Variants in CTNNA2 observed in about 807,000 individuals in gnomAD.
The protein encoded by CTNNA2 is catenin alpha-2.
In CTNNA2, 42 loss-of-function variants were observed where a neutral mutation model predicts 101.0. That is an observed-to-expected ratio of 0.42 (90% CI 0.32 to 0.54). The LOEUF (loss-of-function observed/expected upper bound fraction) is 0.54, where lower values mean the gene tolerates loss of function less well. Among genes scored for constraint, CTNNA2 ranks in the 20% least tolerant of loss-of-function variants. The pLI is 0.14. For missense variants in CTNNA2, 871 were observed against 1,223.1 expected, an observed-to-expected ratio of 0.71 and a Z score of 4.29; for synonymous variants, 450 against 456.4, an observed-to-expected ratio of 0.99 and a Z score of 0.18.
intron 1 of CTNNA2, among the ~76,000 whole-genome samples, chr2:79,576,127 T>C (rs530691731): frequency 6.6e-6 from 1 of 152,328 alleles, no homozygotes; most frequent in East Asian, 1.9e-4. Flanking sequence ...AAAGATGAAG[T>C]TTGTCACCAT....
chr2:80,646,820 T>C (rs933408279), intron 18 of CTNNA2, among the ~76,000 whole-genome samples: 1 of 152,108 alleles, frequency 6.6e-6, no homozygotes, highest in Non-Finnish European at 1.5e-5. Context: ...AGATGAGTAG[T>C]ATCTTTAAAG....
intron 1 of CTNNA2, among the ~76,000 whole-genome samples, chr2:79,542,010 A>C (rs1308517000): frequency 6.6e-6 from 1 of 152,162 alleles, no homozygotes; most frequent in Non-Finnish European, 1.5e-5. Flanking sequence ...TAATGCTTTC[A>C]ACTGAGAGCT....
chr2:79,403,774 A>T (rs182964547), intron 4 of CTNNA2, among the ~76,000 whole-genome samples: 1 of 152,064 alleles, frequency 6.6e-6, no homozygotes, highest in East Asian at 1.9e-4. Context: ...GGTTTTAGCA[A>T]ATTTTGGTGA....
rs77674350 is a variant in CTNNA2 at position 79,415,103 on chromosome 2, G to A, written c.-135+41090G>A. Among the ~76,000 whole-genome samples, 521 of 152,236 alleles carry A rather than the reference G, an allele frequency of 3.4e-3. 23 individuals carry two copies. In the East Asian group the frequency reaches 0.082, roughly 24 times the overall value. On this transcript the variant is annotated intron_variant, in intron 4 of 21. Coordinates refer to the CTNNA2 transcript ENST00000466387. ...AGGTTGAAAAGTGATCCTCAGTGTT[G>A]GAAATGGGGCCTAATGGGAGGTATT...
chr2:80,127,513 G>A (rs1486569082), intron 7 of CTNNA2, among the ~76,000 whole-genome samples: 2 of 152,128 alleles, frequency 1.3e-5, no homozygotes, highest in Non-Finnish European at 1.5e-5. Flanking sequence ...AGGTGTGCAT[G>A]TAAAAGCTAG....
intron 3 of CTNNA2, among the ~76,000 whole-genome samples, chr2:79,783,019 C>G (rs1178862367): frequency 4.0e-5 from 6 of 151,526 alleles, no homozygotes; most frequent in Non-Finnish European, 7.4e-5. Flanking sequence ...GTTAATTCCC[C>G]TAATTGTCAG....
chr2:79,337,249 G>C lies in CTNNA2; in HGVS notation c.-318+24453G>C, dbSNP rs547915033. On this transcript the variant is annotated intron_variant, in intron 3 of 21. Transcript: ENST00000466387. The stretch of plus-strand genomic sequence containing the variant: ...ACTGACCCAAGATAGGAAAGAAAAT[G>C]GGTACAAGTATCTCAAAAATATAAC... 2.6e-5 allele frequency among the ~76,000 whole-genome samples: 4 copies of C among 152,244 alleles called. 1 individual carries two copies. The East Asian group carries it at 7.7e-4, about 29-fold the overall frequency.
chr2:80,074,303 AC>A (rs1311904307), intron 7 of CTNNA2, among the ~76,000 whole-genome samples: 1 of 152,018 alleles, frequency 6.6e-6, no homozygotes, highest in Non-Finnish European at 1.5e-5. Context: ...TAAAGAACAG[AC>A]CCCCATCTGG....
At chr2:80,343,941 T>C (rs1262437347) in intron 7 of CTNNA2, among the ~76,000 whole-genome samples, 1 of 152,152 alleles carries the variant, frequency 6.6e-6, no homozygotes, top group East Asian at 1.9e-4. Context: ...ATTTCCCCAT[T>C]CCTTTATCCC....
At chr2:80,572,799 A>G (rs1694709448) in intron 12 of CTNNA2, 1 of 152,228 alleles carries the variant, frequency 6.6e-6, no homozygotes, top group Non-Finnish European at 1.5e-5. Flanking sequence ...TTCAAGTAAT[A>G]TAGAGAACCA....
intron 7 of CTNNA2, among the ~76,000 whole-genome samples, chr2:79,933,926 G>A (rs2104431786): frequency 6.6e-6 from 1 of 152,246 alleles, no homozygotes; most frequent in South Asian, 2.1e-4. Flanking sequence ...TGCATATGGA[G>A]CATTTAAAGA....
At chr2:80,391,253 T>C (rs564437494) in intron 7 of CTNNA2, among the ~76,000 whole-genome samples, 82 of 152,240 alleles carry the variant, frequency 5.4e-4, no homozygotes, top group African/African-American at 1.8e-3. Flanking sequence ...CTTCACTCTG[T>C]TCACACCAGT....
rs70940067 is a variant in CTNNA2 at position 79,988,466 on chromosome 2, ATGTG to A, written c.1056+78701_1056+78704del. Among the ~76,000 whole-genome samples, 1,334 of 149,116 alleles carry A rather than the reference ATGTG, an allele frequency of 8.9e-3. 11 individuals are homozygous for A. Among genetic ancestry groups the A allele is most frequent in the African/African-American group, 0.022 (883 of 40,342 alleles). ...GCTCTTCTATATGAAGTGTATGTGT[ATGTG>A]TGTGTGTGTGTGTGTGTGTGTGTGT... On this transcript the variant is annotated intron_variant, in intron 7 of 18. Transcript: ENST00000402739.
intron 3 of CTNNA2, among the ~76,000 whole-genome samples, chr2:79,852,993 A>G (rs1031687426): frequency 1.2e-4 from 18 of 152,124 alleles, no homozygotes; most frequent in African/African-American, 4.3e-4. Flanking sequence ...CAGCCTCCCT[A>G]GTAGCTGGGA....
intron 9 of CTNNA2, among the ~76,000 whole-genome samples, chr2:80,446,421 A>G (rs1173773173): frequency 6.6e-6 from 1 of 152,232 alleles, no homozygotes; most frequent in African/African-American, 2.4e-5. Context: ...TATTACATTG[A>G]TCTATTCAAG....
At chr2:80,094,132 G>T (rs1699984652) in intron 7 of CTNNA2, among the ~76,000 whole-genome samples, 1 of 152,134 alleles carries the variant, frequency 6.6e-6, no homozygotes, top group Non-Finnish European at 1.5e-5. Context: ...GGTTTTTATG[G>T]TTTTAAGTCT....
chr2:80,197,741 C>G (rs560877744), intron 7 of CTNNA2, among the ~76,000 whole-genome samples: 28 of 152,286 alleles, frequency 1.8e-4, no homozygotes, highest in African/African-American at 6.7e-4. Context: ...CACCTTCAGT[C>G]TCTCACACTG....
At chr2:79,765,311 G>A (rs1026833611) in intron 3 of CTNNA2, among the ~76,000 whole-genome samples, 1 of 152,090 alleles carries the variant, frequency 6.6e-6, no homozygotes, top group African/African-American at 2.4e-5. Flanking sequence ...TACATTTCTA[G>A]AGACACAAGT....
At chr2:79,678,916 G>T (rs1683372047) in intron 2 of CTNNA2, among the ~76,000 whole-genome samples, 1 of 152,138 alleles carries the variant, frequency 6.6e-6, no homozygotes, top group African/African-American at 2.4e-5. Flanking sequence ...AGCATCTTCT[G>T]CAACACTTTC....
Sources: allele counts gnomAD v4.1 joint callset (sites outside exome capture counted in the v4.1 genomes callset), GRCh38; gene constraint gnomAD v4.1.1; transcripts MANE v1.5; gene names NCBI Gene and HGNC (gene_info 2026-07-23, HGNC 2026-07-21).